The following B4GALT5 variants were observed in gnomAD, a reference collection of about 807,000 sequenced individuals.
The protein encoded by B4GALT5 is UDP-Gal:beta-GlcNAc beta-1,4-galactosyltransferase 5.
B4GALT5 carries 11 observed loss-of-function variants against 45.0 expected under a neutral mutation model. The observed-to-expected ratio is 0.24, with a 90% CI of 0.15 to 0.40. The LOEUF (loss-of-function observed/expected upper bound fraction) is 0.40, where lower values mean the gene tolerates loss of function less well. B4GALT5 is among the 10% of genes least tolerant of loss of function. The probability of loss-of-function intolerance (pLI) is 1.00; values close to 1 mark genes in which losing one functional copy is unlikely to be tolerated. For synonymous variants in B4GALT5, 185 were observed against 182.9 expected, an observed-to-expected ratio of 1.01 and a Z score of -0.09; for missense variants, 337 against 500.2, an observed-to-expected ratio of 0.67 and a Z score of 3.11.
chr20:49,636,098 G>A lies in B4GALT5; in HGVS notation c.*214C>T. ...AAAACAGAAAGCCAGTGCTGACGAA[G>A]GAAGTCCCCAAGCTCACTCCCTCAG... is the stretch of plus-strand genomic sequence containing the variant. On this transcript the variant is annotated 3_prime_UTR_variant, in exon 9 of 9. Transcript: ENST00000371711. The A allele has an allele frequency of 1.7e-6, 1 of 596,146 alleles. No individual in the cohort carries two copies. Among genetic ancestry groups the A allele is most frequent in the South Asian group, 2.0e-5 (1 of 48,980 alleles). 36.9% of individuals were successfully genotyped at this position (596,146 alleles called of 1,614,324 possible). A position where few individuals can be genotyped will look rare whatever the true frequency, so the allele number is the denominator to read the frequency against.
chr20:49,673,261 T>A (rs2146345192), intron 1 of B4GALT5, among the ~76,000 whole-genome samples: 1 of 152,004 alleles, frequency 6.6e-6, no homozygotes, highest in East Asian at 1.9e-4. Context: ...ATGCCTGTAA[T>A]CCCAGCTACT....
intron 1 of B4GALT5, among the ~76,000 whole-genome samples, chr20:49,666,000 G>C (rs752770452): frequency 1.3e-5 from 2 of 152,118 alleles, no homozygotes; most frequent in Non-Finnish European, 2.9e-5. Context: ...CTTGGGGTCT[G>C]AACTTGATTC....
At chr20:49,691,392 G>A (rs1042739001) in intron 1 of B4GALT5, among the ~76,000 whole-genome samples, 4 of 152,040 alleles carry the variant, frequency 2.6e-5, no homozygotes, top group Non-Finnish European at 4.4e-5. Flanking sequence ...ATGGTACTAC[G>A]TAACTGTAGT....
At chr20:49,686,682 TTCTTGC>T (rs2085786755) in intron 1 of B4GALT5, among the ~76,000 whole-genome samples, 1 of 140,442 alleles carries the variant, frequency 7.1e-6, no homozygotes, top group Non-Finnish European at 1.5e-5. Context: ...AGGCCAAGGG[TTCTTGC>T]TATGTTGCAT....
intron 1 of B4GALT5, among the ~76,000 whole-genome samples, chr20:49,676,561 A>G (rs111968874): frequency 1.7e-3 from 254 of 152,372 alleles, no homozygotes; most frequent in Non-Finnish European, 3.0e-3. Context: ...GTGCCTTCAC[A>G]ACTCAGCTCA....
At chr20:49,681,780 T>A (rs897272310) in intron 1 of B4GALT5, among the ~76,000 whole-genome samples, 2 of 152,164 alleles carry the variant, frequency 1.3e-5, no homozygotes, top group Admixed American at 1.3e-4. Flanking sequence ...GCAGTCAAAT[T>A]TTCTAATTCC....
chr20:49,649,680 G>T (rs1205531736), intron 2 of B4GALT5, among the ~76,000 whole-genome samples: 1 of 152,134 alleles, frequency 6.6e-6, no homozygotes, highest in Non-Finnish European at 1.5e-5. Flanking sequence ...AACCTGGCCT[G>T]GGTTGAATCT....
chr20:49,680,651 C>A (rs2085760093), intron 1 of B4GALT5, among the ~76,000 whole-genome samples: 1 of 152,036 alleles, frequency 6.6e-6, no homozygotes, highest in South Asian at 2.1e-4. Context: ...GAGAAGGGGA[C>A]TAATTTTTAA....
intron 1 of B4GALT5, among the ~76,000 whole-genome samples, chr20:49,659,239 C>T (rs1016467852): frequency 1.3e-5 from 2 of 152,228 alleles, no homozygotes; most frequent in Admixed American, 6.5e-5. Flanking sequence ...CAGATTTATC[C>T]ACACTGTTAC....
At chr20:49,690,322 A>G (rs564031127) in intron 1 of B4GALT5, among the ~76,000 whole-genome samples, 3 of 152,092 alleles carry the variant, frequency 2.0e-5, no homozygotes, top group African/African-American at 7.2e-5. Context: ...GTTATTTTTA[A>G]CCCACGGCAC....
intron 1 of B4GALT5, among the ~76,000 whole-genome samples, chr20:49,676,869 TG>T (rs1180567634): frequency 9.2e-5 from 14 of 152,380 alleles, no homozygotes; most frequent in African/African-American, 3.1e-4. Flanking sequence ...CTAGCACTGC[TG>T]TTTTTTGATG....
chr20:49,652,613 TTCACAATC>T (rs1382523020), intron 2 of B4GALT5, among the ~76,000 whole-genome samples: 16 of 151,488 alleles, frequency 1.1e-4, no homozygotes. Context: ...ACTCTGCAGA[TTCACAATC>T]TCACAAACCA....
At position 49,636,907 on chromosome 20, in the gene B4GALT5, G is replaced by GACACACACACACACACACACACACAC. The variant is rs5841760; in HGVS notation, c.1019+408_1019+433dup. Among the ~76,000 whole-genome samples, 23 of 146,492 alleles carry GACACACACACACACACACACACACAC rather than the reference G, an allele frequency of 1.6e-4. 1 individual carries two copies. The highest frequency in any genetic ancestry group is 5.6e-4 in the African/African-American group (22 of 39,486). ...ACAGTCTTCCCCACAATTTAGAAAA[G>GACACACACACACACACACACACACAC]ACACACACACACACACACACACACA... On this transcript the variant is annotated intron_variant, in intron 8 of 8. Transcript: ENST00000371711.
chr20:49,679,517 A>G (rs1462253482), intron 1 of B4GALT5, among the ~76,000 whole-genome samples: 1 of 151,418 alleles, frequency 6.6e-6, no homozygotes, highest in Non-Finnish European at 1.5e-5. Flanking sequence ...AAAAAAAAAA[A>G]TACAAAAAAT....
intron 1 of B4GALT5, among the ~76,000 whole-genome samples, chr20:49,670,238 G>C (rs922272612): frequency 4.6e-5 from 7 of 152,090 alleles, no homozygotes; most frequent in Non-Finnish European, 1.0e-4. Flanking sequence ...ATTTAGCATA[G>C]ACTATCACAT....
chr20:49,673,986 C>T (rs1313617989), intron 1 of B4GALT5, among the ~76,000 whole-genome samples: 1 of 150,568 alleles, frequency 6.6e-6, no homozygotes, highest in African/African-American at 2.4e-5. Flanking sequence ...GCCTGTAATC[C>T]CACCACTTTG....
chr20:49,704,588 G>C (rs374398333), intron 1 of B4GALT5, among the ~76,000 whole-genome samples: 3 of 150,702 alleles, frequency 2.0e-5, no homozygotes, highest in African/African-American at 4.9e-5. Context: ...GCGTAGTGGC[G>C]GGCGCCTGTA....
chr20:49,663,314 C>T (rs1400891141), intron 1 of B4GALT5, among the ~76,000 whole-genome samples: 1 of 152,020 alleles, frequency 6.6e-6, no homozygotes, highest in Non-Finnish European at 1.5e-5. Context: ...TACATGTACA[C>T]ATTTTAATGT....
At chr20:49,706,855 T>C (rs1201822100) in intron 1 of B4GALT5, among the ~76,000 whole-genome samples, 4 of 152,202 alleles carry the variant, frequency 2.6e-5, no homozygotes, top group African/African-American at 9.6e-5. Context: ...CTTATGTGAT[T>C]AGATGTGCCG....
Sources: gnomAD v4.1 joint callset for allele counts (sites outside exome capture counted in the v4.1 genomes callset) on GRCh38, gnomAD v4.1.1 for gene constraint, MANE v1.5 for transcripts, NCBI Gene and HGNC (gene_info 2026-07-23, HGNC 2026-07-21) for gene names.